SLC14A1: variants seen among roughly 807,000 people sequenced by gnomAD.
SLC14A1 encodes solute carrier family 14 member 1 (Kidd blood group), also known as urea transporter 1.
Under a neutral mutation model 39.6 loss-of-function variants are expected in SLC14A1, and 36 were observed. The ratio of observed to expected loss-of-function variants is 0.91; its 90% confidence interval spans 0.70 to 1.20. The LOEUF (loss-of-function observed/expected upper bound fraction) is 1.20. Ranked by LOEUF, SLC14A1 falls within the 50% of genes most tolerant of loss-of-function variation. SLC14A1 has a pLI of 0.00. For missense variants in SLC14A1, 469 were observed against 478.7 expected (o/e 0.98, Z 0.19); for synonymous variants, 164 against 173.6 (o/e 0.94, Z 0.43).
At position 45,739,370 on chromosome 18, in the gene SLC14A1, G is replaced by A. The variant is rs2047290243; in HGVS notation, c.811+60G>A. On this transcript the variant is annotated intron_variant, in intron 7 of 9. Coordinates refer to ENST00000321925, the MANE Select transcript of SLC14A1 (RefSeq NM_015865.7). ...CTCCTCCATCCCATGCATTGCCTCA[G>A]GCATCTTCTGTGCTCCAGATCTTCC... is the stretch of plus-strand genomic sequence containing the variant. The A allele has an allele frequency of 1.9e-6, 3 of 1,612,248 alleles. No individual in the cohort carries two copies. In the South Asian group the frequency reaches 3.3e-5, roughly 18 times the overall value.
chr18:45,733,713 G>A (rs1286794918), intron 4 of SLC14A1, among the ~76,000 whole-genome samples: 3 of 152,194 alleles, frequency 2.0e-5, no homozygotes, highest in African/African-American at 7.2e-5. Flanking sequence ...TGTAGAGGGA[G>A]TCATTCTCTA....
chr18:45,730,174 A>C (rs2046985725), intron 2 of SLC14A1, 126 bp from the exon 3 acceptor site: 1 of 1,019,770 alleles, frequency 9.8e-7, no homozygotes, highest in East Asian at 2.6e-5. Context: ...TTTCAGAAGG[A>C]AAATGGTGCT....
At chr18:45,733,963 G>A (rs1203711898) in intron 4 of SLC14A1, among the ~76,000 whole-genome samples, 1 of 152,122 alleles carries the variant, frequency 6.6e-6, no homozygotes, top group Non-Finnish European at 1.5e-5. Flanking sequence ...AATCTGAGGT[G>A]GAACAGTTTC....
At chr18:45,726,025 CTTAT>C (rs930979301) in intron 2 of SLC14A1, among the ~76,000 whole-genome samples, 1 of 152,148 alleles carries the variant, frequency 6.6e-6, no homozygotes, top group African/African-American at 2.4e-5. Flanking sequence ...TTCATTGTTT[CTTAT>C]TTCTTTGTTT....
rs759120808 is a variant in SLC14A1, at chr18:45,749,947, T to G, written c.1166T>G (p.Leu389Trp). 2 of 1,614,104 alleles carry G rather than the reference T, an allele frequency of 1.2e-6. No individual in the cohort carries two copies. The highest frequency in any genetic ancestry group is 2.7e-5 in the African/African-American group (2 of 74,934). Residue 389 changes from leucine to tryptophan, a missense_variant, in exon 10 of 10, where the codon TTG (leucine) becomes TGG (tryptophan). Transcript: ENST00000321925. ...AAGAAAAGAATGGTGGAAAGCCCTT[T>G]GTGAGAACAAGCCCCATTTGCAGCC... ...QAKKRMVESP[L>W]
chr18:45,728,990 C>CT (rs2046945927), intron 2 of SLC14A1: 1 of 151,978 alleles, frequency 6.6e-6, no homozygotes. Context: ...TAGAGTTCAA[C>CT]TTTTTTTAAT....
chr18:45,724,689 T>C (rs1233682222), intron 1 of SLC14A1, among the ~76,000 whole-genome samples: 1 of 152,212 alleles, frequency 6.6e-6, no homozygotes, highest in Non-Finnish European at 1.5e-5. Flanking sequence ...AAGAAAAAAG[T>C]GGGCCACTGG....
At chr18:45,730,754 A>G (rs2047005344) in intron 3 of SLC14A1, among the ~76,000 whole-genome samples, 1 of 152,164 alleles carries the variant, frequency 6.6e-6, no homozygotes, top group African/African-American at 2.4e-5. Context: ...ATTTGTACCT[A>G]TAAGCATGAA....
Position 45,734,376 on chromosome 18 carries a change from C to A in SLC14A1, c.444C>A (p.Leu148=). 6.2e-7 allele frequency: 1 copy of A among 1,613,708 alleles called. No individual in the cohort carries two copies. The highest frequency in any genetic ancestry group is 8.5e-7 in the Non-Finnish European group (1 of 1,179,916). Residue 148 remains leucine, a synonymous_variant, in exon 5 of 10, where the codon CTC becomes CTA. Transcript: ENST00000321925. ...GAGACTATTTCTGGTGGCTGTTACT[C>A]CCTGTATGTGCTATGTCCATGACTT... ...DKGDYFWWLL[L]PVCAMSMTCP... is the part of the protein sequence containing the mutation.
Position 45,750,344 on chromosome 18 carries a change from C to T in SLC14A1, c.*393C>T, listed in dbSNP as rs2047673674. 1.8e-6 allele frequency: 2 copies of T among 1,085,154 alleles called. No individual in the cohort carries two copies. The highest frequency in any genetic ancestry group is 4.4e-4 in the Middle Eastern group (1 of 2,252). The allele number at this position is 1,085,154 out of a possible 1,614,324, so 67.2% of individuals were successfully genotyped here. On this transcript the variant is annotated 3_prime_UTR_variant, in exon 10 of 10. Coordinates refer to ENST00000321925, the MANE Select transcript of SLC14A1 (RefSeq NM_015865.7). ...ATTAAACCCCATAAACCAACTAAGC[C>T]TTATGGAATTCACAGTCACAAAATC...
At chr18:45,747,697 AAAAAAAT>A (rs2047587277) in intron 8 of SLC14A1, among the ~76,000 whole-genome samples, 4 of 152,188 alleles carry the variant, frequency 2.6e-5, no homozygotes, top group Admixed American at 2.0e-4. Context: ...TCCATCTCCA[AAAAAAAT>A]AAAAAATAAA....
chr18:45,737,246 T>C (rs1281025707), intron 6 of SLC14A1, among the ~76,000 whole-genome samples: 1 of 152,202 alleles, frequency 6.6e-6, no homozygotes, highest in Non-Finnish European at 1.5e-5. Context: ...ACTCCCCAAA[T>C]TGTGATGCGG....
At chr18:45,736,674 C>T (rs367702756) in intron 6 of SLC14A1, 26 bp downstream of exon 6, 82 of 1,605,466 alleles carry the variant, frequency 5.1e-5, no homozygotes, top group Middle Eastern at 1.6e-4. Flanking sequence ...TTCTCACATT[C>T]GCCCTGGCTC....
Position 45,752,204 on chromosome 18 carries a change from GA to G in SLC14A1, c.*2261del, listed in dbSNP as rs918195429. On this transcript the variant is annotated 3_prime_UTR_variant, in exon 10 of 10. Coordinates refer to ENST00000321925, the MANE Select transcript of SLC14A1 (RefSeq NM_015865.7). The stretch of plus-strand genomic sequence containing the variant: ...GAACGTGTGAAAGAAGAATTGTGGG[GA>G]AAAAAAAGCAAGCATAACCAAAGAT... 3.4e-5 allele frequency: 33 copies of G among 984,774 alleles called. No homozygotes were observed. The highest frequency in any genetic ancestry group is 3.9e-5 in the Non-Finnish European group (32 of 829,772). 61.0% of individuals were successfully genotyped at this position (984,774 alleles called of 1,614,324 possible).
Position 45,750,306 on chromosome 18 carries a change from A to G in SLC14A1, c.*355A>G, listed in dbSNP as rs766946227. 1.4e-5 allele frequency: 16 copies of G among 1,179,128 alleles called. No individual in the cohort carries two copies. Among genetic ancestry groups the G allele is most frequent in the Non-Finnish European group, 1.6e-5 (15 of 945,796 alleles). 73.0% of individuals were successfully genotyped at this position (1,179,128 alleles called of 1,614,324 possible). On this transcript the variant is annotated 3_prime_UTR_variant, in exon 10 of 10. Coordinates refer to ENST00000321925, the MANE Select transcript of SLC14A1 (RefSeq NM_015865.7). ...GGTGTTTAGCTGGCTCGATGATGTT[A>G]ACAGTATTAAAAATTAAACCCCATA...
At chr18:45,727,186 C>T in intron 2 of SLC14A1, 1 of 1,430,038 alleles carries the variant, frequency 7.0e-7, no homozygotes, top group Non-Finnish European at 9.6e-7. Flanking sequence ...CCTCAGCTTG[C>T]CTTTTGCGTG....
Position 45,734,131 on chromosome 18 carries a change from C to T in SLC14A1, c.342-143C>T, listed in dbSNP as rs116759842. 940 of 1,037,418 alleles carry T rather than the reference C, an allele frequency of 9.1e-4. 4 individuals carry two copies. In the African/African-American group the frequency reaches 0.013, roughly 15 times the overall value. 64.3% of individuals were successfully genotyped at this position (1,037,418 alleles called of 1,614,324 possible). The stretch of plus-strand genomic sequence containing the variant: ...TGTCTTTATTAGTTTTTGTACGATG[C>T]TTACGTAGACTTTGAAATACATTTC... On this transcript the variant is annotated intron_variant, in intron 4 of 9. Coordinates refer to ENST00000321925, the MANE Select transcript of SLC14A1 (RefSeq NM_015865.7).
chr18:45,750,779 T>C lies in SLC14A1; in HGVS notation c.*828T>C. 2 of 985,150 alleles carry C rather than the reference T, an allele frequency of 2.0e-6. No individual in the cohort carries two copies. The highest frequency in any genetic ancestry group is 4.7e-5 in the South Asian group (1 of 21,276). The allele number at this position is 985,150 out of a possible 1,614,324, so 61.0% of individuals were successfully genotyped here. On this transcript the variant is annotated 3_prime_UTR_variant, in exon 10 of 10. Coordinates refer to ENST00000321925, the MANE Select transcript of SLC14A1 (RefSeq NM_015865.7). The stretch of plus-strand genomic sequence containing the variant: ...AAAGTTACTTACTGTATTTATGAAA[T>C]ACTCAGCTTAGGCATTTTTACTTTA...
intron 8 of SLC14A1, among the ~76,000 whole-genome samples, chr18:45,743,497 T>C (rs2047450874): frequency 6.6e-6 from 1 of 152,206 alleles, no homozygotes; most frequent in African/African-American, 2.4e-5. Context: ...CTGGATTCAA[T>C]TCCAGCAGGT....
Sources: gnomAD v4.1 joint callset for allele counts (sites outside exome capture counted in the v4.1 genomes callset) on GRCh38, gnomAD v4.1.1 for gene constraint, MANE v1.5 for transcripts, NCBI Gene and HGNC (gene_info 2026-07-23, HGNC 2026-07-21) for gene names.